RIMS1: variants seen among roughly 807,000 people sequenced by gnomAD.
RIMS1 encodes the protein regulating synaptic membrane exocytosis protein 1.
RIMS1 carries 83 observed loss-of-function variants against 214.1 expected under a neutral mutation model. The ratio of observed to expected loss-of-function variants is 0.39; its 90% CI spans 0.32 to 0.47. The LOEUF (loss-of-function observed/expected upper bound fraction) is 0.47. Among genes scored for constraint, RIMS1 ranks in the 20% least tolerant of loss-of-function variants. The probability of loss-of-function intolerance (pLI) is 0.99; values close to 1 mark genes in which losing one functional copy is unlikely to be tolerated. For synonymous variants in RIMS1, 793 were observed against 786.8 expected (o/e 1.01, Z -0.13); for missense variants, 2,050 against 2,161.8 (o/e 0.95, Z 1.03).
intron 22 of RIMS1, among the ~76,000 whole-genome samples, chr6:72,273,782 A>G (rs1172504539): frequency 6.6e-6 from 1 of 152,186 alleles, no homozygotes; most frequent in Non-Finnish European, 1.5e-5. Flanking sequence ...AAACTTAAGA[A>G]TTCACTTGTA....
chr6:72,325,270 A>C (rs1212714203), intron 28 of RIMS1, among the ~76,000 whole-genome samples: 1 of 151,818 alleles, frequency 6.6e-6, no homozygotes, highest in Non-Finnish European at 1.5e-5. Flanking sequence ...TAGCAAATTG[A>C]ATCCAGATAG....
chr6:72,058,785 T>C (rs1207128803), intron 2 of RIMS1, among the ~76,000 whole-genome samples: 1 of 152,158 alleles, frequency 6.6e-6, no homozygotes, highest in Admixed American at 6.5e-5. Context: ...AACATGAACA[T>C]GAGAAACACA....
In RIMS1 at chr6:72,258,234, T is replaced by G; in HGVS notation, c.2880T>G (p.Asn960Lys). 1 of 1,613,466 alleles carries G rather than the reference T, an allele frequency of 6.2e-7. No homozygotes were observed. Among genetic ancestry groups the G allele is most frequent in the South Asian group, 1.1e-5 (1 of 91,050 alleles). Reference protein sequence around the residue: ...RSRSVSPHRGNDQGKPRSRLP... With the variant: ...RSRSVSPHRGKDQGKPRSRLP... ...GTTCAGTATCTCCTCATCGCGGCAA[T>G]GATCAGGGAAAGCCGCGTTCACGTT... Residue 960 changes from asparagine (N) to lysine (K), a missense_variant, in exon 17 of 34, where the codon AAT becomes AAG. Asn to Lys is a moderately conservative substitution (Grantham distance 94, BLOSUM62 0). Transcript: ENST00000521978.
intron 21 of RIMS1, 69 bp downstream of exon 21, chr6:72,265,572 G>T (rs1280259762): frequency 2.3e-6 from 2 of 883,700 alleles, no homozygotes; most frequent in African/African-American, 3.4e-5. Flanking sequence ...AAGTTGAGTT[G>T]TAAAATTATT....
At chr6:72,226,973 A>G (rs1467425719) in intron 6 of RIMS1, among the ~76,000 whole-genome samples, 1 of 152,042 alleles carries the variant, frequency 6.6e-6, no homozygotes, top group African/African-American at 2.4e-5. Flanking sequence ...GAAAGGCACT[A>G]TTCTTATTTT....
intron 31 of RIMS1, 139 bp downstream of exon 31, chr6:72,392,949 A>G: frequency 1.5e-6 from 1 of 645,392 alleles, no homozygotes. Flanking sequence ...GCAAACAACT[A>G]TTCTAATTTC....
chr6:72,183,169 C>G lies in RIMS1; in HGVS notation c.1678+20C>G, dbSNP rs1419519213. ...AGAAAGGTAAGGGGGCGGCGCCGGC[C>G]GTGCGGGGACTTCAGCCAAGTGAAG... On this transcript the variant is annotated intron_variant, in intron 6 of 33. Transcript: ENST00000521978. 3 of 1,581,910 alleles carry G rather than the reference C, an allele frequency of 1.9e-6. No homozygotes were observed. The highest frequency in any genetic ancestry group is 2.3e-5 in the East Asian group (1 of 43,462).
chr6:72,081,294 C>G (rs1369642151), intron 2 of RIMS1, among the ~76,000 whole-genome samples: 1 of 152,044 alleles, frequency 6.6e-6, no homozygotes, highest in South Asian at 2.1e-4. Flanking sequence ...TCATTTTGAC[C>G]AATTGCTACA....
chr6:72,034,582 A>T (rs1819054565), intron 2 of RIMS1, among the ~76,000 whole-genome samples: 2 of 152,004 alleles, frequency 1.3e-5, no homozygotes, highest in Non-Finnish European at 1.5e-5. Flanking sequence ...CTGTAAAATT[A>T]TGGAATTGCT....
At chr6:72,355,904 A>G (rs2154376723) in intron 29 of RIMS1, among the ~76,000 whole-genome samples, 1 of 152,298 alleles carries the variant, frequency 6.6e-6, no homozygotes, top group South Asian at 2.1e-4. Flanking sequence ...CTGTGATTAC[A>G]CATAACGACT....
chr6:72,063,561 C>T (rs1828484742), intron 2 of RIMS1, among the ~76,000 whole-genome samples: 1 of 152,136 alleles, frequency 6.6e-6, no homozygotes, highest in Admixed American at 6.5e-5. Flanking sequence ...GGGAGACCGA[C>T]CAAGGAAGTC....
chr6:72,046,141 T>A (rs752225560), intron 2 of RIMS1, among the ~76,000 whole-genome samples: 3 of 152,110 alleles, frequency 2.0e-5, no homozygotes, highest in Non-Finnish European at 2.9e-5. Context: ...CTTATGTGTC[T>A]CTTTTGAACT....
At chr6:72,058,523 C>G (rs1020223924) in intron 2 of RIMS1, among the ~76,000 whole-genome samples, 1 of 152,196 alleles carries the variant, frequency 6.6e-6, no homozygotes, top group African/African-American at 2.4e-5. Context: ...CTGTCTTTCT[C>G]CCATCCCTTG....
At chr6:72,005,251 G>A (rs1014719257) in intron 2 of RIMS1, among the ~76,000 whole-genome samples, 1 of 152,146 alleles carries the variant, frequency 6.6e-6, no homozygotes, top group Non-Finnish European at 1.5e-5. Flanking sequence ...GGCAACAGTA[G>A]CATGCTGTTT....
chr6:72,369,228 T>A (rs931923595), intron 29 of RIMS1, among the ~76,000 whole-genome samples: 1 of 151,686 alleles, frequency 6.6e-6, no homozygotes, highest in Non-Finnish European at 1.5e-5. Context: ...GGAAGACCAA[T>A]TGAAATAAGA....
At chr6:72,293,415 A>G (rs2154255315) in intron 26 of RIMS1, among the ~76,000 whole-genome samples, 1 of 152,058 alleles carries the variant, frequency 6.6e-6, no homozygotes, top group East Asian at 1.9e-4. Context: ...GCAATAACCC[A>G]GATGAAATTG....
chr6:72,146,209 C>G (rs1247535938), intron 4 of RIMS1, among the ~76,000 whole-genome samples: 1 of 152,130 alleles, frequency 6.6e-6, no homozygotes, highest in Non-Finnish European at 1.5e-5. Flanking sequence ...CTGGCATTGT[C>G]TCAAATATTT....
At chr6:72,386,731 C>CT (rs35080577) in intron 29 of RIMS1, among the ~76,000 whole-genome samples, 1,405 of 109,866 alleles carry the variant, frequency 0.013, 34 homozygotes, top group African/African-American at 0.032. Context: ...CACTGTCTTT[C>CT]TTTTTTTTTT....
intron 6 of RIMS1, chr6:72,216,520 C>T (rs1222732996): frequency 2.0e-6 from 2 of 985,276 alleles, no homozygotes; most frequent in African/African-American, 3.5e-5. Context: ...TTTCTGGTGC[C>T]AGTTGTCATT....
Sources: gnomAD v4.1 joint callset for allele counts (sites outside exome capture counted in the v4.1 genomes callset) on GRCh38, gnomAD v4.1.1 for gene constraint, MANE v1.5 for transcripts, NCBI Gene and HGNC (gene_info 2026-07-23, HGNC 2026-07-21) for gene names.